GPC3: variants seen among roughly 807,000 people sequenced by gnomAD.
GPC3 encodes the protein glypican 3, also known as glypican-3.
In GPC3, 3 loss-of-function variants were observed where a neutral mutation model predicts 34.4. The ratio of observed to expected loss-of-function variants is 0.09; its 90% CI spans 0.04 to 0.23. The LOEUF is 0.23. GPC3 is among the 10% of genes least tolerant of loss of function. The pLI, the probability that GPC3 is intolerant of heterozygous loss-of-function variation, is 1.00. For synonymous variants in GPC3, 177 were observed against 174.0 expected (o/e 1.02, Z -0.13); for missense variants, 351 against 445.6 (o/e 0.79, Z 1.91).
chrX:133,852,746 A>G (rs2075880310), intron 2 of GPC3, among the ~76,000 whole-genome samples: 1 of 110,898 alleles, frequency 9.0e-6, no homozygotes, highest in African/African-American at 3.3e-5. Flanking sequence ...TATCCCCTCA[A>G]TGATGAGGCA....
chrX:133,694,713 C>A (rs1216125248), intron 4 of GPC3, among the ~76,000 whole-genome samples: 11 of 108,649 alleles, frequency 1.0e-4, no homozygotes, highest in Non-Finnish European at 1.7e-4. Flanking sequence ...AAAATTGAAC[C>A]CATGCAAGGC....
chrX:133,876,534 C>T (rs2076017896), intron 2 of GPC3, among the ~76,000 whole-genome samples: 1 of 112,352 alleles, frequency 8.9e-6, no homozygotes, highest in Non-Finnish European at 1.9e-5. Context: ...AATGTTATCA[C>T]ATTTATTCTC....
At chrX:133,670,180 G>A (rs1452976691) in intron 5 of GPC3, among the ~76,000 whole-genome samples, 2 of 111,252 alleles carry the variant, frequency 1.8e-5, no homozygotes, top group Non-Finnish European at 3.8e-5. Context: ...TGTAGTGGAG[G>A]GAAATCAACA....
chrX:133,689,317 G>A (rs1253680171), intron 5 of GPC3, among the ~76,000 whole-genome samples: 1 of 111,367 alleles, frequency 9.0e-6, no homozygotes, highest in Non-Finnish European at 1.9e-5. Flanking sequence ...GCTAGCAAAT[G>A]AAACAAAAAT....
intron 5 of GPC3, among the ~76,000 whole-genome samples, chrX:133,682,745 T>A (rs1245010494): frequency 9.0e-6 from 1 of 111,241 alleles, no homozygotes; most frequent in Non-Finnish European, 1.9e-5. Context: ...GGAGGGCAGA[T>A]CACTTGAGGT....
intron 6 of GPC3, among the ~76,000 whole-genome samples, chrX:133,615,924 T>C (rs2070157878): frequency 9.0e-6 from 1 of 110,653 alleles, no homozygotes; most frequent in African/African-American, 3.3e-5. Context: ...TGAGAAGCAA[T>C]ATCTATCTAA....
chrX:133,978,438 A>G (rs764702665), intron 1 of GPC3, among the ~76,000 whole-genome samples: 1 of 112,202 alleles, frequency 8.9e-6, no homozygotes, highest in Admixed American at 9.5e-5. Flanking sequence ...TATATCTTCA[A>G]TTTGTCTTGA....
intron 6 of GPC3, among the ~76,000 whole-genome samples, chrX:133,634,505 A>C (rs757110585): frequency 9.8e-5 from 11 of 112,687 alleles, no homozygotes; most frequent in Non-Finnish European, 1.5e-4. Flanking sequence ...GCAACAAAAA[A>C]GAACAAAGTA....
chrX:133,614,338 G>A (rs1343378568), intron 6 of GPC3, among the ~76,000 whole-genome samples: 1 of 111,154 alleles, frequency 9.0e-6, no homozygotes, highest in Non-Finnish European at 1.9e-5. Flanking sequence ...GTCAGACAAT[G>A]AAAAAATCAT....
At chrX:133,979,929 G>C (rs868105715) in intron 1 of GPC3, among the ~76,000 whole-genome samples, 2 of 111,589 alleles carry the variant, frequency 1.8e-5, no homozygotes, top group African/African-American at 6.5e-5. Flanking sequence ...TTGGCTCCTG[G>C]AATAGGCTCT....
In GPC3 at chrX:133,554,815, T is replaced by C. The variant is rs113550036; in HGVS notation, c.1574-18522A>G. Among the ~76,000 whole-genome samples the C allele has an allele frequency of 4.7e-3, 528 of 112,182 alleles. 6 individuals are homozygous for C. Among genetic ancestry groups the C allele is most frequent in the African/African-American group, 0.016 (501 of 30,881 alleles). ...GCGTCAGGAATAAGAACCCCTTCCCTTCCCTTGTTCAGGTGTGCTCTTGCC... is the reference window on the plus strand; with the variant it reads ...GCGTCAGGAATAAGAACCCCTTCCCCTCCCTTGTTCAGGTGTGCTCTTGCC... On this transcript the variant is annotated intron_variant, in intron 7 of 7. Transcript: ENST00000370818.
At chrX:133,643,264 T>G (rs774339672) in intron 6 of GPC3, among the ~76,000 whole-genome samples, 3 of 110,790 alleles carry the variant, frequency 2.7e-5, no homozygotes, top group Non-Finnish European at 5.7e-5. Flanking sequence ...TGGGTCAGTA[T>G]GCACTGGTCA....
chrX:133,659,223 C>T (rs139885014), intron 6 of GPC3, among the ~76,000 whole-genome samples: 5,864 of 112,401 alleles, frequency 0.052, 380 homozygotes, highest in African/African-American at 0.18. Flanking sequence ...ATGCGCCTAG[C>T]AAAATCTATA....
intron 7 of GPC3, among the ~76,000 whole-genome samples, chrX:133,585,367 C>T (rs1166835085): frequency 2.7e-5 from 3 of 111,117 alleles, no homozygotes; most frequent in Non-Finnish European, 3.8e-5. Context: ...TCAGCCCTCA[C>T]TTTATTCCCG....
At chrX:133,562,940 G>A (rs746391416) in intron 7 of GPC3, among the ~76,000 whole-genome samples, 2 of 111,389 alleles carry the variant, frequency 1.8e-5, no homozygotes, top group Non-Finnish European at 3.8e-5. Flanking sequence ...CAATATCACT[G>A]CCTTCACAGG....
intron 2 of GPC3, among the ~76,000 whole-genome samples, chrX:133,758,879 C>G (rs1258310524): frequency 9.0e-6 from 1 of 110,724 alleles, no homozygotes; most frequent in Non-Finnish European, 1.9e-5. Flanking sequence ...AAACTAGAAA[C>G]AGAGGATAAC....
intron 2 of GPC3, among the ~76,000 whole-genome samples, chrX:133,788,088 TTATA>T (rs56318773): frequency 0.13 from 8,329 of 64,680 alleles, 420 homozygotes; most frequent in Middle Eastern, 0.2. Flanking sequence ...TCATATTATT[TTATA>T]TATATATATA....
intron 7 of GPC3, among the ~76,000 whole-genome samples, chrX:133,560,070 T>C (rs2124288938): frequency 8.9e-6 from 1 of 111,935 alleles, no homozygotes; most frequent in African/African-American, 3.2e-5. Flanking sequence ...GTTCGGAAGG[T>C]GTGGATTGCC....
intron 3 of GPC3, among the ~76,000 whole-genome samples, chrX:133,723,810 G>A (rs970043856): frequency 3.6e-5 from 4 of 111,610 alleles, no homozygotes; most frequent in Admixed American, 2.9e-4. Flanking sequence ...AGAACCGTGA[G>A]CCAATTAAAC....
Sources: gnomAD v4.1 joint callset for allele counts (sites outside exome capture counted in the v4.1 genomes callset) on GRCh38, gnomAD v4.1.1 for gene constraint, MANE v1.5 for transcripts, NCBI Gene and HGNC (gene_info 2026-07-23, HGNC 2026-07-21) for gene names.